The following TMEM114 variants were observed in gnomAD, a reference collection of about 807,000 sequenced individuals.
TMEM114 encodes the protein transmembrane protein 114, also known as claudin-26.
Under a neutral mutation model 6.2 loss-of-function variants are expected in TMEM114, and 6 were observed. The ratio of observed to expected loss-of-function variants is 0.97; its 90% CI spans 0.53 to 1.91. The LOEUF (loss-of-function observed/expected upper bound fraction) is 1.91, where lower values mean the gene tolerates loss of function less well. Among genes scored for constraint, TMEM114 ranks in the 40% most tolerant of loss-of-function variants. TMEM114 has a pLI of 0.01. For synonymous variants in TMEM114, 104 were observed against 73.0 expected, an observed-to-expected ratio of 1.42 and a Z score of -2.16; for missense variants, 218 against 158.3, an observed-to-expected ratio of 1.38 and a Z score of -2.02.
downstream of TMEM114, among the ~76,000 whole-genome samples, chr16:8,533,458 G>C (rs116744953): frequency 1.3e-4 from 20 of 152,320 alleles, no homozygotes; most frequent in African/African-American, 4.6e-4. Flanking sequence ...ATGAATGGGC[G>C]AGGTGGTTAT....
chr16:8,579,513 A>G (rs954967639), intron 2 of TMEM114, among the ~76,000 whole-genome samples: 10 of 152,052 alleles, frequency 6.6e-5, no homozygotes. Context: ...CTGCCTCTTC[A>G]TGGTCTCCAA....
intron 2 of TMEM114, among the ~76,000 whole-genome samples, chr16:8,542,142 TG>T (rs75052886): frequency 0.016 from 2,340 of 150,222 alleles, 58 homozygotes; most frequent in South Asian, 0.1. Flanking sequence ...GGATGATTCG[TG>T]GGGGGGGGTC....
intron 2 of TMEM114, among the ~76,000 whole-genome samples, chr16:8,554,887 T>G (rs544677412): frequency 6.6e-6 from 1 of 152,182 alleles, no homozygotes; most frequent in Non-Finnish European, 1.5e-5. Flanking sequence ...AGTTTGTCCT[T>G]CGTACCACAG....
intron 2 of TMEM114, among the ~76,000 whole-genome samples, chr16:8,538,501 G>T (rs1192380366): frequency 1.4e-5 from 2 of 145,196 alleles, no homozygotes; most frequent in Non-Finnish European, 1.5e-5. Flanking sequence ...TTTTTTGTTT[G>T]TTTGTTTGTT....
At chr16:8,589,485 C>G in intron 1 of TMEM114, 134 bp downstream of exon 1, 4 of 398,058 alleles carry the variant, frequency 1.0e-5, no homozygotes, top group Non-Finnish European at 1.8e-5. Context: ...GCTCACCTTC[C>G]CCCCGAGTCC....
chr16:8,546,442 T>A (rs1900667968), intron 2 of TMEM114, among the ~76,000 whole-genome samples: 1 of 152,132 alleles, frequency 6.6e-6, no homozygotes, highest in South Asian at 2.1e-4. Context: ...AGATGAACCC[T>A]GACCCAAAAA....
intron 3 of TMEM114, among the ~76,000 whole-genome samples, chr16:8,571,179 C>T (rs1042543916): frequency 1.3e-5 from 2 of 151,874 alleles, no homozygotes; most frequent in Non-Finnish European, 2.9e-5. Flanking sequence ...TTTAAGGCAG[C>T]CAGCCACGTG....
intron 2 of TMEM114, among the ~76,000 whole-genome samples, chr16:8,547,958 C>T (rs937427735): frequency 1.3e-5 from 2 of 152,104 alleles, no homozygotes; most frequent in East Asian, 1.9e-4. Flanking sequence ...TTTGCTGGGG[C>T]TGTGGAAATG....
intron 2 of TMEM114, among the ~76,000 whole-genome samples, chr16:8,539,203 G>T (rs967000425): frequency 2.6e-5 from 4 of 152,108 alleles, no homozygotes; most frequent in Non-Finnish European, 5.9e-5. Flanking sequence ...ATAAACGTTT[G>T]AGGATCCCTG....
At chr16:8,564,171 A>G (rs960636750) in intron 2 of TMEM114, among the ~76,000 whole-genome samples, 22 of 146,886 alleles carry the variant, frequency 1.5e-4, no homozygotes, top group South Asian at 6.7e-4. Flanking sequence ...ATGAGTGAGT[A>G]AATGAGTGAG....
chr16:8,573,358 C>A (rs999572432), intron 2 of TMEM114, among the ~76,000 whole-genome samples: 2 of 152,082 alleles, frequency 1.3e-5, no homozygotes, highest in Admixed American at 1.3e-4. Context: ...GATCTGGGGC[C>A]ATTTCTAGAG....
intron 2 of TMEM114, among the ~76,000 whole-genome samples, chr16:8,588,869 T>G (rs1438597902): frequency 2.0e-5 from 3 of 152,204 alleles, no homozygotes; most frequent in African/African-American, 7.2e-5. Flanking sequence ...CCACCTTCCC[T>G]TCCTCACGCT....
chr16:8,560,001 G>GGTT (rs1331345571), intron 2 of TMEM114, among the ~76,000 whole-genome samples: 1 of 151,940 alleles, frequency 6.6e-6, no homozygotes, highest in Non-Finnish European at 1.5e-5. Flanking sequence ...ATCTTGTTGT[G>GGTT]GTTGTTGTTG....
rs1255898481 is a variant in TMEM114 at position 8,569,925 on chromosome 16, C to G, written c.520G>C (p.Glu174Gln). The change falls in exon 4 of 4, where the codon GAG (glutamate) becomes CAG (glutamine). Residue 174 changes from glutamate to glutamine, a missense_variant. Coordinates refer to ENST00000620492, the MANE Select transcript of TMEM114 (RefSeq NM_001146336.2). ...AFREALCLLE[E>Q]KALLDQVDIS... Reference sequence around the variant, plus strand: ...TCCACCTGGTCCAGGAGGGCCTTCTCCTCCAAGAGACACAGCGCCTCCCGG... The same window carrying G: ...TCCACCTGGTCCAGGAGGGCCTTCTGCTCCAAGAGACACAGCGCCTCCCGG... 6.4e-7 allele frequency: 1 copy of G among 1,551,074 alleles called. No individual in the cohort carries two copies. The highest frequency in any genetic ancestry group is 1.4e-5 in the African/African-American group (1 of 73,040).
chr16:8,551,035 G>A (rs913270388), intron 2 of TMEM114, among the ~76,000 whole-genome samples: 5 of 152,210 alleles, frequency 3.3e-5, no homozygotes, highest in African/African-American at 1.2e-4. Flanking sequence ...AAAGGTGACA[G>A]AGGTCTCCCG....
chr16:8,528,253 C>T, the TMEM114 span, among the ~76,000 whole-genome samples: 2 of 151,336 alleles, frequency 1.3e-5, no homozygotes, highest in Admixed American at 6.6e-5. Flanking sequence ...TGCGCACACA[C>T]ACACACACAC....
chr16:8,554,285 G>T (rs1005336379), intron 2 of TMEM114, among the ~76,000 whole-genome samples: 1 of 152,106 alleles, frequency 6.6e-6, no homozygotes, highest in African/African-American at 2.4e-5. Flanking sequence ...GGCGGACAGA[G>T]TGGCTCAAGC....
intron 2 of TMEM114, among the ~76,000 whole-genome samples, chr16:8,575,289 A>G (rs910781397): frequency 2.0e-5 from 3 of 152,228 alleles, no homozygotes; most frequent in Admixed American, 6.5e-5. Flanking sequence ...TTCAGCAAAC[A>G]TATTAAGAGT....
chr16:8,578,097 G>T (rs10852705), intron 2 of TMEM114, among the ~76,000 whole-genome samples: 78,894 of 151,616 alleles, frequency 0.52, 21,119 homozygotes, highest in East Asian at 0.86. Context: ...TGTCACAGAG[G>T]AAATAAGTGT....
Sources: allele counts gnomAD v4.1 joint callset (sites outside exome capture counted in the v4.1 genomes callset), GRCh38; gene constraint gnomAD v4.1.1; transcripts MANE v1.5; gene names NCBI Gene and HGNC (gene_info 2026-07-23, HGNC 2026-07-21).